MPDZ: variants seen among roughly 807,000 people sequenced by gnomAD.
The protein encoded by MPDZ is multiple PDZ domain crumbs cell polarity complex component.
A neutral mutation model predicts 239.1 loss-of-function variants in MPDZ; 234 were observed. The observed-to-expected ratio is 0.98, with a 90% CI of 0.88 to 1.09. The LOEUF (loss-of-function observed/expected upper bound fraction) is 1.09. Ranked by LOEUF, MPDZ falls within the 50% of genes least tolerant of loss-of-function variation. The probability of loss-of-function intolerance (pLI) is 0.00; values close to 1 mark genes in which losing one functional copy is unlikely to be tolerated. For synonymous variants in MPDZ, 1,048 were observed against 881.3 expected, an observed-to-expected ratio of 1.19 and a Z score of -3.35; for missense variants, 3,175 against 2,510.0, an observed-to-expected ratio of 1.26 and a Z score of -5.66.
chr9:13,133,354 A>T (rs900594204), intron 32 of MPDZ, among the ~76,000 whole-genome samples: 2 of 152,186 alleles, frequency 1.3e-5, no homozygotes, highest in African/African-American at 2.4e-5. Flanking sequence ...GACTTCTCTT[A>T]TATGTATAGT....
chr9:13,272,980 G>C (rs1973352574), intron 1 of MPDZ, among the ~76,000 whole-genome samples: 1 of 152,068 alleles, frequency 6.6e-6, no homozygotes, highest in African/African-American at 2.4e-5. Context: ...GGGTCTTTGG[G>C]AGGCAATTAG....
intron 43 of MPDZ, among the ~76,000 whole-genome samples, chr9:13,111,803 A>G (rs1942524000): frequency 6.6e-6 from 1 of 152,208 alleles, no homozygotes; most frequent in Admixed American, 6.5e-5. Flanking sequence ...ATTAGGAAAC[A>G]ACTATAAATC....
chr9:13,205,384 C>T (rs990823460), intron 11 of MPDZ, among the ~76,000 whole-genome samples: 7 of 152,070 alleles, frequency 4.6e-5, no homozygotes, highest in African/African-American at 1.2e-4. Context: ...CACTTTTCAG[C>T]GAAAAGCCTG....
chr9:13,168,537 C>A lies in MPDZ; in HGVS notation c.3083G>T (p.Gly1028Val). 2 of 1,610,204 alleles carry A rather than the reference C, an allele frequency of 1.2e-6. No homozygotes were observed. The highest frequency in any genetic ancestry group is 1.7e-6 in the Non-Finnish European group (2 of 1,178,650). Residue 1028 changes from glycine to valine, a missense_variant, in exon 22 of 47, where the codon GGC (glycine) becomes GTC (valine). Coordinates refer to ENST00000319217, the MANE Select transcript of MPDZ (RefSeq NM_001378778.1). ...AATGCTTCGAACGATCATCCCCAAG[C>A]CATCTTTATTAGCACTAACTGTCAT... Reference protein sequence around the residue: ...LGMTVSANKDGLGMIVRSIIH... With the variant: ...LGMTVSANKDVLGMIVRSIIH...
intron 32 of MPDZ, among the ~76,000 whole-genome samples, chr9:13,130,045 T>C (rs77384882): frequency 0.011 from 1,641 of 152,274 alleles, 35 homozygotes; most frequent in African/African-American, 0.037. Flanking sequence ...CATAAACTTG[T>C]ATGGATATGA....
At position 13,172,543 on chromosome 9, in the gene MPDZ, G is replaced by A. The variant is rs367583118; in HGVS notation, c.3055+3209C>T. Among the ~76,000 whole-genome samples the A allele has an allele frequency of 2.4e-4, 36 of 151,952 alleles. 1 individual carries two copies. The East Asian group carries it at 4.3e-3, about 18-fold the overall frequency. ...GATTACAGGTGCCCACCACCACCACGCTCAGCTAATTTTTTGTATTTTCAG... is the reference window on the plus strand; with the variant it reads ...GATTACAGGTGCCCACCACCACCACACTCAGCTAATTTTTTGTATTTTCAG... On this transcript the variant is annotated intron_variant, in intron 21 of 46. Transcript: ENST00000319217.
chr9:13,129,767 T>G (rs1482394079), intron 32 of MPDZ, among the ~76,000 whole-genome samples: 1 of 152,126 alleles, frequency 6.6e-6, no homozygotes, highest in Admixed American at 6.5e-5. Flanking sequence ...GATGGGGTCT[T>G]GCTATGTTTC....
chr9:13,179,979 C>G (rs1409950921), intron 19 of MPDZ, among the ~76,000 whole-genome samples: 1 of 152,092 alleles, frequency 6.6e-6, no homozygotes, highest in Non-Finnish European at 1.5e-5. Context: ...CCTTCTCCCA[C>G]TCTTTCTGAG....
intron 10 of MPDZ, among the ~76,000 whole-genome samples, chr9:13,212,379 A>G (rs1459229850): frequency 6.6e-6 from 1 of 152,124 alleles, no homozygotes; most frequent in Non-Finnish European, 1.5e-5. Context: ...CAAGAATTAT[A>G]CCACATGGCA....
At chr9:13,218,852 A>C (rs1336458610) in intron 8 of MPDZ, among the ~76,000 whole-genome samples, 1 of 151,942 alleles carries the variant, frequency 6.6e-6, no homozygotes, top group East Asian at 1.9e-4. Context: ...TGCGACCTGT[A>C]AATCTGCTGA....
chr9:13,260,281 T>C (rs1049651277), intron 1 of MPDZ, among the ~76,000 whole-genome samples: 1 of 151,942 alleles, frequency 6.6e-6, no homozygotes, highest in Non-Finnish European at 1.5e-5. Context: ...TTTTCAAAAC[T>C]AGAGAAGAAA....
intron 12 of MPDZ, among the ~76,000 whole-genome samples, chr9:13,197,927 T>G (rs571716999): frequency 6.6e-6 from 1 of 152,268 alleles, no homozygotes; most frequent in African/African-American, 2.4e-5. Context: ...AGACAAAACT[T>G]CATTCTTTTT....
At chr9:13,159,499 G>C (rs1950215464) in intron 23 of MPDZ, among the ~76,000 whole-genome samples, 1 of 152,122 alleles carries the variant, frequency 6.6e-6, no homozygotes, top group African/African-American at 2.4e-5. Context: ...AGGATGCAAG[G>C]CAGAGAGGTA....
At chr9:13,183,951 T>C (rs895160429) in intron 18 of MPDZ, among the ~76,000 whole-genome samples, 3 of 151,970 alleles carry the variant, frequency 2.0e-5, no homozygotes, top group African/African-American at 7.2e-5. Flanking sequence ...TGTCATAATT[T>C]TTCCTAGTCA....
intron 32 of MPDZ, among the ~76,000 whole-genome samples, chr9:13,131,043 C>T (rs948396318): frequency 6.6e-6 from 1 of 152,040 alleles, no homozygotes; most frequent in African/African-American, 2.4e-5. Context: ...ACATAATGAA[C>T]AAATGTTACA....
At chr9:13,154,810 G>C (rs1261096023) in intron 24 of MPDZ, among the ~76,000 whole-genome samples, 1 of 152,024 alleles carries the variant, frequency 6.6e-6, no homozygotes, top group African/African-American at 2.4e-5. Context: ...TATTGAGAAA[G>C]AGTACCATTT....
At chr9:13,241,077 G>C (rs900475226) in intron 3 of MPDZ, among the ~76,000 whole-genome samples, 31 of 152,090 alleles carry the variant, frequency 2.0e-4, no homozygotes, top group African/African-American at 6.8e-4. Context: ...AAAAATTTTA[G>C]TCCCTTCAAT....
chr9:13,147,438 A>C, intron 26 of MPDZ, 110 bp downstream of exon 26: 2 of 774,496 alleles, frequency 2.6e-6, no homozygotes, highest in Non-Finnish European at 4.4e-6. Context: ...GTCTCCTGAG[A>C]TTTGAAAAAT....
intron 32 of MPDZ, among the ~76,000 whole-genome samples, chr9:13,132,160 T>C (rs549624853): frequency 6.6e-6 from 1 of 152,160 alleles, no homozygotes; most frequent in African/African-American, 2.4e-5. Context: ...GAAGTACACA[T>C]AATAGACATC....
Sources: allele counts gnomAD v4.1 joint callset (sites outside exome capture counted in the v4.1 genomes callset), GRCh38; gene constraint gnomAD v4.1.1; transcripts MANE v1.5; gene names NCBI Gene and HGNC (gene_info 2026-07-23, HGNC 2026-07-21).